TNFRSF19: variants seen among roughly 807,000 people sequenced by gnomAD.
TNFRSF19 encodes the protein tumor necrosis factor receptor superfamily member 19.
In TNFRSF19, 27 loss-of-function variants were observed where a neutral mutation model predicts 46.4. That is an observed-to-expected ratio of 0.58 (90% CI 0.43 to 0.80). TNFRSF19 has a LOEUF of 0.80. TNFRSF19 is among the 30% of genes least tolerant of loss of function. The pLI, the probability that TNFRSF19 is intolerant of heterozygous loss-of-function variation, is 0.00. For synonymous variants in TNFRSF19, 204 were observed against 205.0 expected (o/e 1.00, Z 0.04); for missense variants, 511 against 530.8 (o/e 0.96, Z 0.37).
intron 5 of TNFRSF19, among the ~76,000 whole-genome samples, chr13:23,639,050 A>G (rs1442543807): frequency 6.6e-6 from 1 of 152,210 alleles, no homozygotes. Context: ...TTTTCTTGAT[A>G]GAAACATTCA....
intron 4 of TNFRSF19, among the ~76,000 whole-genome samples, chr13:23,619,130 AGT>A (rs1318972247): frequency 6.6e-6 from 1 of 152,228 alleles, no homozygotes; most frequent in Non-Finnish European, 1.5e-5. Context: ...GACAAACCCA[AGT>A]GTCTATCAAC....
At chr13:23,633,813 C>T (rs151123464) in intron 5 of TNFRSF19, among the ~76,000 whole-genome samples, 2,171 of 152,336 alleles carry the variant, frequency 0.014, 31 homozygotes, top group Non-Finnish European at 0.022. Context: ...CGTACCGTTG[C>T]ACTCCAGCCT....
rs954874022 is a variant in TNFRSF19, at chr13:23,637,960, G to GAGGGC, written c.445+11169_445+11173dup. The stretch of plus-strand genomic sequence containing the variant: ...TAAGGAGAGTCCGTGGTGGAACTGG[G>GAGGGC]AGGGCGGAGGCCCAAGTTTCTGGTC... On this transcript the variant is annotated intron_variant, in intron 5 of 9. Transcript: ENST00000248484. 1.2e-3 allele frequency among the ~76,000 whole-genome samples: 179 copies of GAGGGC among 152,378 alleles called. 1 individual carries two copies. Among genetic ancestry groups the GAGGGC allele is most frequent in the African/African-American group, 3.9e-3 (164 of 41,596 alleles).
chr13:23,614,742 AATACATATATATATAT>A (rs1046424405), intron 3 of TNFRSF19, among the ~76,000 whole-genome samples: 42 of 75,278 alleles, frequency 5.6e-4, no homozygotes, highest in Admixed American at 3.7e-3. Context: ...GTGGATAAGT[AATACATATATATATAT>A]ATATATATAT....
chr13:23,583,374 A>C (rs545674060), intron 1 of TNFRSF19, among the ~76,000 whole-genome samples: 4 of 152,382 alleles, frequency 2.6e-5, no homozygotes, highest in East Asian at 1.9e-4. Flanking sequence ...GGGTATGAAC[A>C]TAATTTTTTT....
intron 4 of TNFRSF19, among the ~76,000 whole-genome samples, chr13:23,626,030 T>G (rs2138288608): frequency 6.6e-6 from 1 of 152,322 alleles, no homozygotes; most frequent in South Asian, 2.1e-4. Flanking sequence ...TCAATTATAG[T>G]GTTCATTTCC....
chr13:23,613,433 T>C lies in TNFRSF19; in HGVS notation c.181-2434T>C, dbSNP rs150524793. Reference sequence around the variant, plus strand: ...TTTAGATCCAATGTAGGAAAATACATACTTTTCTCCTATGTTGACCTGGCT... The same window carrying C: ...TTTAGATCCAATGTAGGAAAATACACACTTTTCTCCTATGTTGACCTGGCT... On this transcript the variant is annotated intron_variant, in intron 3 of 9. Coordinates refer to ENST00000248484, the MANE Select transcript of TNFRSF19 (RefSeq NM_148957.4). Among the ~76,000 whole-genome samples, 62 of 152,358 alleles carry C rather than the reference T, an allele frequency of 4.1e-4. 1 individual carries two copies. The East Asian group carries it at 7.5e-3, about 18-fold the overall frequency.
intron 3 of TNFRSF19, among the ~76,000 whole-genome samples, chr13:23,601,644 G>A (rs1472606036): frequency 1.3e-5 from 2 of 150,458 alleles, no homozygotes; most frequent in African/African-American, 2.4e-5. Context: ...TAGAAACAAT[G>A]TATTTGATTG....
At chr13:23,615,308 A>G (rs1327237343) in intron 3 of TNFRSF19, among the ~76,000 whole-genome samples, 2 of 152,344 alleles carry the variant, frequency 1.3e-5, no homozygotes, top group Admixed American at 6.5e-5. Context: ...CTCAACAGGA[A>G]GTTAACATCC....
At chr13:23,579,193 G>A (rs934856274) in intron 1 of TNFRSF19, among the ~76,000 whole-genome samples, 2 of 152,226 alleles carry the variant, frequency 1.3e-5, no homozygotes, top group African/African-American at 2.4e-5. Context: ...CGGAGTGGGG[G>A]CCTCCAAAGA....
chr13:23,629,105 C>T (rs1302739136), intron 5 of TNFRSF19, among the ~76,000 whole-genome samples: 26 of 146,710 alleles, frequency 1.8e-4, no homozygotes, highest in African/African-American at 6.3e-4. Flanking sequence ...TTTTTTAGCT[C>T]ATCCACAAAG....
rs74038473 is a variant in TNFRSF19, at chr13:23,652,993, C to T, written c.446-6057C>T. 2.5e-3 allele frequency among the ~76,000 whole-genome samples: 385 copies of T among 152,290 alleles called. 1 individual carries two copies. Among genetic ancestry groups the T allele is most frequent in the African/African-American group, 7.7e-3 (320 of 41,562 alleles). On this transcript the variant is annotated intron_variant, in intron 5 of 9. Coordinates refer to ENST00000248484, the MANE Select transcript of TNFRSF19 (RefSeq NM_148957.4). The stretch of plus-strand genomic sequence containing the variant: ...CTGTAACAAAGAGACCCAGAAATAT[C>T]GTGGCCTAAGTAAGATAGAAGTTTC...
chr13:23,579,929 G>T (rs1438963009), intron 1 of TNFRSF19, among the ~76,000 whole-genome samples: 1 of 151,986 alleles, frequency 6.6e-6, no homozygotes, highest in Non-Finnish European at 1.5e-5. Context: ...CCCTGAGCCA[G>T]CGCGCGGCTG....
chr13:23,570,992 A>G (rs535653586), intron 1 of TNFRSF19, 144 bp downstream of exon 1: 21 of 152,346 alleles, frequency 1.4e-4, no homozygotes, highest in Non-Finnish European at 2.8e-4. Flanking sequence ...TGAATACTAC[A>G]TGATGCTGAA....
At chr13:23,640,886 TC>T (rs1883002658) in intron 5 of TNFRSF19, among the ~76,000 whole-genome samples, 1 of 152,238 alleles carries the variant, frequency 6.6e-6, no homozygotes, top group Non-Finnish European at 1.5e-5. Flanking sequence ...CAAACTCCTT[TC>T]CTTCAGTGCC....
chr13:23,591,821 T>G (rs3794357), intron 2 of TNFRSF19, among the ~76,000 whole-genome samples: 50,804 of 150,940 alleles, frequency 0.34, 8,944 homozygotes, highest in East Asian at 0.55. Context: ...CGCTTCCCAG[T>G]TTCAAGTGAT....
At chr13:23,625,577 C>G (rs1014206971) in intron 4 of TNFRSF19, among the ~76,000 whole-genome samples, 1 of 152,078 alleles carries the variant, frequency 6.6e-6, no homozygotes, top group Non-Finnish European at 1.5e-5. Context: ...ATCCACCTGC[C>G]TCGGCCTCCC....
intron 7 of TNFRSF19, among the ~76,000 whole-genome samples, chr13:23,665,892 T>C (rs1951623685): frequency 6.6e-6 from 1 of 152,238 alleles, no homozygotes; most frequent in South Asian, 2.1e-4. Flanking sequence ...AGTTGTCAAA[T>C]ATGTTTGGTC....
chr13:23,605,276 A>G (rs1172977258), intron 3 of TNFRSF19, among the ~76,000 whole-genome samples: 1 of 152,204 alleles, frequency 6.6e-6, no homozygotes, highest in Non-Finnish European at 1.5e-5. Flanking sequence ...TACACCTATT[A>G]GAAATCCAGA....
Sources: allele counts gnomAD v4.1 joint callset (sites outside exome capture counted in the v4.1 genomes callset), GRCh38; gene constraint gnomAD v4.1.1; transcripts MANE v1.5; gene names NCBI Gene and HGNC (gene_info 2026-07-23, HGNC 2026-07-21).